The following DTWD2 variants were observed in gnomAD, a reference collection of about 807,000 sequenced individuals.
DTWD2 encodes the protein tRNA-uridine aminocarboxypropyltransferase 2.
A neutral mutation model predicts 31.8 loss-of-function variants in DTWD2; 39 were observed. That is an observed-to-expected ratio of 1.22 (90% CI 0.95 to 1.60). The LOEUF (loss-of-function observed/expected upper bound fraction) is 1.60, where lower values mean the gene tolerates loss of function less well. Ranked by LOEUF, DTWD2 falls within the 40% of genes most tolerant of loss-of-function variation. The probability of loss-of-function intolerance (pLI) is 0.00; values close to 1 mark genes in which losing one functional copy is unlikely to be tolerated. For missense variants in DTWD2, 515 were observed against 381.5 expected (o/e 1.35, Z -2.92); for synonymous variants, 180 against 142.8 (o/e 1.26, Z -1.86).
At chr5:118,984,964 A>G (rs988150398) in intron 1 of DTWD2, among the ~76,000 whole-genome samples, 5 of 152,212 alleles carry the variant, frequency 3.3e-5, no homozygotes, top group Admixed American at 3.3e-4. Flanking sequence ...ATTATACAGC[A>G]AAAGTCATGT....
In DTWD2 at chr5:118,855,300, A is replaced by C. The variant is rs147837391; in HGVS notation, c.598-7082T>G. ...TTTACACTAAGTTACAGGTCCTAAA[A>C]GAAATTCCAAAAAAAGACAGTGTCT... On this transcript the variant is annotated intron_variant, in intron 4 of 5. Coordinates refer to ENST00000510708, the MANE Select transcript of DTWD2 (RefSeq NM_173666.4). Among the ~76,000 whole-genome samples the C allele has an allele frequency of 1.5e-4, 23 of 149,740 alleles. No individual in the cohort carries two copies. In the East Asian group the frequency reaches 4.4e-3, roughly 29 times the overall value.
chr5:118,945,869 G>A (rs540386492), intron 1 of DTWD2, among the ~76,000 whole-genome samples: 2 of 151,978 alleles, frequency 1.3e-5, no homozygotes, highest in South Asian at 4.2e-4. Flanking sequence ...AACGATCACA[G>A]GCAGATGTTA....
At position 118,983,849 on chromosome 5, in the gene DTWD2, T is replaced by G. The variant is rs77880418; in HGVS notation, c.218+4445A>C. Among the ~76,000 whole-genome samples the G allele has an allele frequency of 2.7e-3, 407 of 152,318 alleles. 1 individual carries two copies. The highest frequency in any genetic ancestry group is 9.3e-3 in the African/African-American group (386 of 41,590). On this transcript the variant is annotated intron_variant, in intron 1 of 5. Coordinates refer to ENST00000510708, the MANE Select transcript of DTWD2 (RefSeq NM_173666.4). ...CCTGCCTGTTACCTGTATTTCCTCA[T>G]CATTTAAAAGCAAACAGTAGCTGGG...
At chr5:118,883,549 T>C (rs933311592) in intron 4 of DTWD2, among the ~76,000 whole-genome samples, 3 of 152,186 alleles carry the variant, frequency 2.0e-5, no homozygotes, top group Admixed American at 6.5e-5. Context: ...AGCAGTGTAA[T>C]TGACTCACAG....
intron 4 of DTWD2, among the ~76,000 whole-genome samples, chr5:118,869,904 C>T (rs531514567): frequency 2.4e-4 from 36 of 152,218 alleles, no homozygotes; most frequent in Non-Finnish European, 4.4e-4. Flanking sequence ...GAGGCAGATA[C>T]CTCATGAAAA....
intron 1 of DTWD2, among the ~76,000 whole-genome samples, chr5:118,956,371 A>C (rs1019459551): frequency 2.6e-5 from 4 of 152,242 alleles, no homozygotes; most frequent in Non-Finnish European, 5.9e-5. Context: ...CTGTGAAATA[A>C]GCTTTTTCTT....
intron 4 of DTWD2, among the ~76,000 whole-genome samples, chr5:118,851,748 G>A (rs1441252230): frequency 6.6e-6 from 1 of 150,386 alleles, no homozygotes; most frequent in Non-Finnish European, 1.5e-5. Flanking sequence ...TAAATGATGA[G>A]TTACTGGGTG....
At chr5:118,981,978 G>A (rs1171483767) in intron 1 of DTWD2, among the ~76,000 whole-genome samples, 2 of 152,062 alleles carry the variant, frequency 1.3e-5, no homozygotes, top group Non-Finnish European at 2.9e-5. Flanking sequence ...ATTATTATGT[G>A]GTGTAGCAAT....
intron 4 of DTWD2, among the ~76,000 whole-genome samples, chr5:118,908,449 T>A (rs1366137267): frequency 6.6e-6 from 1 of 152,094 alleles, no homozygotes; most frequent in Non-Finnish European, 1.5e-5. Context: ...TCAGAGAAAT[T>A]AAATGAGTTG....
chr5:118,933,112 C>T (rs906978747), intron 3 of DTWD2, among the ~76,000 whole-genome samples: 5 of 152,074 alleles, frequency 3.3e-5, no homozygotes, highest in Admixed American at 6.6e-5. Context: ...AAAACTCACA[C>T]AAGGAGAAAT....
rs566686738 is a variant in DTWD2 at position 118,878,247 on chromosome 5, T to C, written c.598-30029A>G. Among the ~76,000 whole-genome samples the C allele has an allele frequency of 7.5e-4, 114 of 152,222 alleles. 3 individuals are homozygous for C. In the Middle Eastern group the frequency reaches 0.01, roughly 14 times the overall value. ...GGACAAAGCTGGAAGCATCACACTATCTGACTCTGAACTATACTACAGGGC... is the reference window on the plus strand; with the variant it reads ...GGACAAAGCTGGAAGCATCACACTACCTGACTCTGAACTATACTACAGGGC... On this transcript the variant is annotated intron_variant, in intron 4 of 5. Transcript: ENST00000510708.
intron 1 of DTWD2, among the ~76,000 whole-genome samples, chr5:118,955,778 A>G (rs1273564721): frequency 6.6e-6 from 1 of 151,788 alleles, no homozygotes; most frequent in Non-Finnish European, 1.5e-5. Context: ...CCTGGACAAC[A>G]CAGCAAGACC....
rs1000330535 is a variant in DTWD2 at position 118,940,554 on chromosome 5, T to C, written c.310-1264A>G. Among the ~76,000 whole-genome samples the C allele has an allele frequency of 2.6e-5, 4 of 152,224 alleles. No individual in the cohort carries two copies. In the East Asian group the frequency reaches 7.7e-4, roughly 29 times the overall value. On this transcript the variant is annotated intron_variant, in intron 2 of 5. Coordinates refer to ENST00000510708, the MANE Select transcript of DTWD2 (RefSeq NM_173666.4). ...ACAATATATGTTGTTTTTCTATTTC[T>C]TGATTTATCGATTTTAGATATTATC...
intron 4 of DTWD2, among the ~76,000 whole-genome samples, chr5:118,882,927 G>T (rs950660618): frequency 4.6e-5 from 7 of 152,192 alleles, no homozygotes; most frequent in African/African-American, 1.4e-4. Context: ...GCAAATTTAT[G>T]CAGCCAGCTT....
intron 1 of DTWD2, among the ~76,000 whole-genome samples, chr5:118,964,415 A>G (rs1036183476): frequency 6.6e-6 from 1 of 150,566 alleles, no homozygotes; most frequent in Non-Finnish European, 1.5e-5. Context: ...CCTTCTCCCC[A>G]CGGTCTCCCT....
At chr5:118,913,324 C>G (rs1265975232) in intron 4 of DTWD2, among the ~76,000 whole-genome samples, 1 of 150,908 alleles carries the variant, frequency 6.6e-6, no homozygotes, top group Non-Finnish European at 1.5e-5. Context: ...GTAACTCTTC[C>G]CTGGGTCTTC....
intron 1 of DTWD2, chr5:118,973,710 G>T: frequency 6.5e-7 from 1 of 1,528,370 alleles, no homozygotes; most frequent in Non-Finnish European, 8.9e-7. Flanking sequence ...CTCCGCCGCC[G>T]CGGACTCCGG....
chr5:118,986,347 G>T (rs439156), intron 1 of DTWD2, among the ~76,000 whole-genome samples: 60,560 of 151,928 alleles, frequency 0.4, 13,419 homozygotes, highest in East Asian at 0.92. Context: ...TACAAGTTTG[G>T]GATCTTTTAA....
At chr5:118,952,166 G>A (rs988316743) in intron 1 of DTWD2, among the ~76,000 whole-genome samples, 2 of 152,186 alleles carry the variant, frequency 1.3e-5, no homozygotes, top group African/African-American at 4.8e-5. Context: ...GTTGGTCTGA[G>A]GACCAGAGGT....
Sources: gnomAD v4.1 joint callset for allele counts (sites outside exome capture counted in the v4.1 genomes callset) on GRCh38, gnomAD v4.1.1 for gene constraint, MANE v1.5 for transcripts, NCBI Gene and HGNC (gene_info 2026-07-23, HGNC 2026-07-21) for gene names.